NT5DC3: variants seen among roughly 807,000 people sequenced by gnomAD.
The protein encoded by NT5DC3 is 5'-nucleotidase domain containing 3.
Under a neutral mutation model 67.8 loss-of-function variants are expected in NT5DC3, and 42 were observed. The observed-to-expected ratio is 0.62, with a 90% CI of 0.48 to 0.80. The LOEUF (loss-of-function observed/expected upper bound fraction) is 0.80. Ranked by LOEUF, NT5DC3 falls within the 30% of genes least tolerant of loss-of-function variation. The pLI is 0.00. For missense variants in NT5DC3, 570 were observed against 696.4 expected (o/e 0.82, Z 2.04); for synonymous variants, 237 against 255.6 (o/e 0.93, Z 0.69).
the NT5DC3 span, chr12:103,757,909 C>A: frequency 8.2e-6 from 4 of 488,880 alleles, no homozygotes; most frequent in East Asian, 3.6e-5. Flanking sequence ...ATTTGATGCA[C>A]CTTTCAAAGG....
chr12:103,758,287 G>A, the NT5DC3 span: 3 of 1,613,178 alleles, frequency 1.9e-6, no homozygotes, highest in Non-Finnish European at 2.5e-6. Context: ...GGGGGAGAAT[G>A]AGGTGAGTTG....
chr12:103,818,853 G>A (rs11111799), intron 1 of NT5DC3, among the ~76,000 whole-genome samples: 60,702 of 152,018 alleles, frequency 0.4, 12,349 homozygotes, highest in South Asian at 0.56. Flanking sequence ...AAATCAATGG[G>A]CCATTGCTGA....
chr12:103,828,120 C>A (rs1887771412), intron 1 of NT5DC3, among the ~76,000 whole-genome samples: 1 of 152,162 alleles, frequency 6.6e-6, no homozygotes, highest in Admixed American at 6.5e-5. Context: ...ATGATCAAAT[C>A]AAAGGTGAGT....
At chr12:103,769,299 T>C (rs1036638328), downstream of NT5DC3, among the ~76,000 whole-genome samples, 1 of 152,228 alleles carries the variant, frequency 6.6e-6, no homozygotes, top group African/African-American at 2.4e-5. Flanking sequence ...TATTTTGCAC[T>C]GTAGCCTGTC....
chr12:103,790,172 G>A (rs760668156), intron 9 of NT5DC3, among the ~76,000 whole-genome samples: 10 of 152,002 alleles, frequency 6.6e-5, no homozygotes, highest in Admixed American at 6.6e-5. Flanking sequence ...TGGCACAATC[G>A]CGGCTCACTA....
intron 1 of NT5DC3, among the ~76,000 whole-genome samples, chr12:103,836,325 T>C (rs1888146089): frequency 6.6e-6 from 1 of 152,212 alleles, no homozygotes; most frequent in Admixed American, 6.5e-5. Flanking sequence ...CTTCCGCCTA[T>C]GAGCCTGTAA....
chr12:103,788,784 T>A, intron 10 of NT5DC3, 54 bp downstream of exon 10: 1 of 1,155,166 alleles, frequency 8.7e-7, no homozygotes. Flanking sequence ...GCTATTAGCA[T>A]TATTACCGAC....
chr12:103,755,479 A>C, the NT5DC3 span: 1 of 1,612,938 alleles, frequency 6.2e-7, no homozygotes, highest in East Asian at 2.2e-5. Context: ...TAACCGCCCC[A>C]GCTACACTTC....
intron 1 of NT5DC3, among the ~76,000 whole-genome samples, chr12:103,833,770 C>A (rs1045247053): frequency 2.0e-5 from 3 of 151,728 alleles, no homozygotes; most frequent in African/African-American, 7.3e-5. Context: ...TGGAGCAACC[C>A]GTCTTGGAGG....
the NT5DC3 span, chr12:103,758,353 G>A: frequency 7.3e-3 from 11,698 of 1,596,908 alleles, 761 homozygotes; most frequent in African/African-American, 0.14. Flanking sequence ...CAACAATGCT[G>A]TGTCACAAAT....
intron 4 of NT5DC3, chr12:103,802,140 C>T (rs1269063603): frequency 6.6e-6 from 1 of 152,524 alleles, no homozygotes; most frequent in Admixed American, 6.5e-5. Context: ...ATTCTGAACG[C>T]TCCTTCTCCC....
chr12:103,811,884 T>C (rs1887047714), intron 2 of NT5DC3, among the ~76,000 whole-genome samples: 1 of 151,968 alleles, frequency 6.6e-6, no homozygotes, highest in Non-Finnish European at 1.5e-5. Context: ...GAGCATAGCA[T>C]TTGCTGAGAG....
chr12:103,787,245 C>T (rs1283356716), intron 11 of NT5DC3, among the ~76,000 whole-genome samples, 196 bp downstream of exon 11: 2 of 146,496 alleles, frequency 1.4e-5, no homozygotes, highest in Non-Finnish European at 1.5e-5. Context: ...AACTCTGATC[C>T]ATCCTGTTCT....
the NT5DC3 span, among the ~76,000 whole-genome samples, chr12:103,748,720 G>A: frequency 1.3e-5 from 2 of 151,700 alleles, no homozygotes; most frequent in Non-Finnish European, 1.5e-5. Context: ...AAGCCTGGAG[G>A]TATATGACAA....
chr12:103,798,081 T>A, intron 5 of NT5DC3, among the ~76,000 whole-genome samples: 1 of 152,202 alleles, frequency 6.6e-6, no homozygotes, highest in Non-Finnish European at 1.5e-5. Flanking sequence ...GTACTAAGTT[T>A]ACTAGCTGAC....
chr12:103,828,588 C>G (rs556633574), intron 1 of NT5DC3, among the ~76,000 whole-genome samples: 87 of 152,298 alleles, frequency 5.7e-4, no homozygotes, highest in African/African-American at 2.1e-3. Context: ...TCCCTACCAT[C>G]CAAGTGGGAT....
intron 4 of NT5DC3, among the ~76,000 whole-genome samples, chr12:103,805,059 A>G (rs1377742031): frequency 2.0e-5 from 3 of 147,062 alleles, no homozygotes; most frequent in African/African-American, 7.4e-5. Context: ...CTCAATAACA[A>G]AAAAAAAAAA....
chr12:103,831,770 C>CTTTT (rs568035358), intron 1 of NT5DC3, among the ~76,000 whole-genome samples: 1 of 109,650 alleles, frequency 9.1e-6, no homozygotes. Flanking sequence ...TCAGCATCCT[C>CTTTT]TTTTTTTTTT....
chr12:103,763,683 G>A, the NT5DC3 span: 3 of 1,309,754 alleles, frequency 2.3e-6, no homozygotes, highest in South Asian at 2.6e-5. Context: ...AAATTTCAGT[G>A]GAGATCTTTG....
Sources: allele counts gnomAD v4.1 joint callset (sites outside exome capture counted in the v4.1 genomes callset), GRCh38; gene constraint gnomAD v4.1.1; transcripts MANE v1.5; gene names NCBI Gene and HGNC (gene_info 2026-07-23, HGNC 2026-07-21).